ADAM10: variants seen among roughly 807,000 people sequenced by gnomAD.
The protein encoded by ADAM10 is disintegrin and metalloproteinase domain-containing protein 10.
In ADAM10, 17 loss-of-function variants were observed where a neutral mutation model predicts 90.1. The ratio of observed to expected loss-of-function variants is 0.19; its 90% confidence interval spans 0.13 to 0.28. The LOEUF is 0.28. Among genes scored for constraint, ADAM10 ranks in the 10% least tolerant of loss-of-function variants. The pLI is 1.00. For synonymous variants in ADAM10, 310 were observed against 298.6 expected, an observed-to-expected ratio of 1.04 and a Z score of -0.40; for missense variants, 610 against 914.3, an observed-to-expected ratio of 0.67 and a Z score of 4.29.
intron 1 of ADAM10, among the ~76,000 whole-genome samples, chr15:58,745,785 G>C (rs1899772168): frequency 6.6e-6 from 1 of 152,108 alleles, no homozygotes; most frequent in African/African-American, 2.4e-5. Context: ...AGGAATGATG[G>C]GGACTGCAGT....
intron 1 of ADAM10, among the ~76,000 whole-genome samples, chr15:58,734,175 T>C (rs969125136): frequency 2.0e-5 from 3 of 152,232 alleles, no homozygotes; most frequent in African/African-American, 7.2e-5. Flanking sequence ...ATCAATTTCT[T>C]GTTTAACTAA....
chr15:58,590,533 A>G lies in ADAM10; in HGVS notation c.*7014T>C, dbSNP rs1470539923. 2 of 152,228 alleles carry G rather than the reference A, an allele frequency of 1.3e-5. No homozygotes were observed. Among genetic ancestry groups the G allele is most frequent in the Non-Finnish European group, 1.5e-5 (1 of 68,048 alleles). 9.4% of individuals were successfully genotyped at this position (152,228 alleles called of 1,614,324 possible). A position where few individuals can be genotyped will look rare whatever the true frequency, so the allele number is the denominator to read the frequency against. On this transcript the variant is annotated 3_prime_UTR_variant, in exon 16 of 16. Transcript: ENST00000260408. ...AAACATGCTCTGATATGTTTCAAGGAGGAGGAAAGGAGGAGAAAGAGGAAA... is the reference window on the plus strand; with the variant it reads ...AAACATGCTCTGATATGTTTCAAGGGGGAGGAAAGGAGGAGAAAGAGGAAA...
At chr15:58,631,314 TAAC>T (rs759912878) in intron 9 of ADAM10, among the ~76,000 whole-genome samples, 3 of 152,108 alleles carry the variant, frequency 2.0e-5, no homozygotes, top group African/African-American at 7.2e-5. Flanking sequence ...ATGGCAGAAT[TAAC>T]AACATGTGCA....
chr15:58,627,128 A>G (rs1414040490), intron 10 of ADAM10, among the ~76,000 whole-genome samples: 1 of 152,196 alleles, frequency 6.6e-6, no homozygotes, highest in Non-Finnish European at 1.5e-5. Context: ...GTATAATACT[A>G]AAGATGAATC....
chr15:58,714,568 G>C (rs1898592631), intron 2 of ADAM10, among the ~76,000 whole-genome samples: 1 of 151,890 alleles, frequency 6.6e-6, no homozygotes, highest in African/African-American at 2.4e-5. Context: ...CAATGTATAA[G>C]ACAGTACAAT....
At chr15:58,699,501 G>C (rs1361695401) in intron 2 of ADAM10, among the ~76,000 whole-genome samples, 1 of 152,182 alleles carries the variant, frequency 6.6e-6, no homozygotes, top group African/African-American at 2.4e-5. Flanking sequence ...GCTCACATCT[G>C]TAATCCTAGC....
chr15:58,736,179 C>T (rs1200831144), intron 1 of ADAM10, among the ~76,000 whole-genome samples: 1 of 152,154 alleles, frequency 6.6e-6, no homozygotes, highest in Non-Finnish European at 1.5e-5. Flanking sequence ...GATGCAGTAA[C>T]CTCAAGGCTA....
intron 14 of ADAM10, among the ~76,000 whole-genome samples, chr15:58,603,191 T>A (rs74016947): frequency 0.05 from 7,620 of 152,238 alleles, 652 homozygotes; most frequent in African/African-American, 0.17. Context: ...TCCTTTATTA[T>A]ATAGGTATTC....
At chr15:58,615,107 T>C (rs772797691) in intron 11 of ADAM10, among the ~76,000 whole-genome samples, 2 of 151,786 alleles carry the variant, frequency 1.3e-5, no homozygotes, top group African/African-American at 2.4e-5. Flanking sequence ...ACCCCATCTC[T>C]ACTAAAAACA....
At chr15:58,612,130 T>C (rs1234262877) in intron 11 of ADAM10, 139 bp from the exon 12 acceptor site, 16 of 888,518 alleles carry the variant, frequency 1.8e-5, no homozygotes, top group Non-Finnish European at 2.5e-5. Context: ...ATGATAAGTA[T>C]GTTACTGGTA....
intron 5 of ADAM10, among the ~76,000 whole-genome samples, chr15:58,655,703 TATATATAGTATATA>T (rs1896798821): frequency 2.1e-5 from 1 of 47,758 alleles, no homozygotes; most frequent in South Asian, 7.0e-4. Flanking sequence ...ATAGTATATA[TATATATAGTATATA>T]TATATATATA....
chr15:58,614,430 A>G (rs1210365221), intron 11 of ADAM10, among the ~76,000 whole-genome samples: 2 of 152,220 alleles, frequency 1.3e-5, no homozygotes, highest in Non-Finnish European at 2.9e-5. Flanking sequence ...AAACAGCAAG[A>G]GGAAAGTATC....
chr15:58,695,860 T>TTA (rs1323438723), intron 2 of ADAM10, among the ~76,000 whole-genome samples: 1 of 152,018 alleles, frequency 6.6e-6, no homozygotes, highest in Non-Finnish European at 1.5e-5. Flanking sequence ...CTCACAATTG[T>TTA]TATCCCAGCA....
intron 2 of ADAM10, among the ~76,000 whole-genome samples, chr15:58,687,398 T>C (rs1248614491): frequency 2.6e-5 from 4 of 152,328 alleles, no homozygotes; most frequent in East Asian, 1.9e-4. Flanking sequence ...CCACAGAACA[T>C]TGTAAATGAT....
chr15:58,629,124 C>G (rs1896028616), intron 9 of ADAM10: 1 of 152,224 alleles, frequency 6.6e-6, no homozygotes, highest in Non-Finnish European at 1.5e-5. Context: ...TTCTGTATAA[C>G]TCTTGATGTC....
At chr15:58,648,936 CA>C (rs1221551747) in intron 5 of ADAM10, among the ~76,000 whole-genome samples, 1 of 151,768 alleles carries the variant, frequency 6.6e-6, no homozygotes, top group African/African-American at 2.4e-5. Flanking sequence ...TTTTACTTTC[CA>C]TCTTTTCTGC....
intron 8 of ADAM10, among the ~76,000 whole-genome samples, chr15:58,634,437 G>T (rs927072694): frequency 2.0e-5 from 3 of 151,918 alleles, no homozygotes; most frequent in African/African-American, 2.4e-5. Context: ...AATTTTAAAA[G>T]AAAAACCATA....
At chr15:58,729,507 C>T (rs1469205205) in intron 1 of ADAM10, among the ~76,000 whole-genome samples, 1 of 152,194 alleles carries the variant, frequency 6.6e-6, no homozygotes, top group Non-Finnish European at 1.5e-5. Flanking sequence ...CAGACTACCC[C>T]AGAGTGATCT....
intron 2 of ADAM10, among the ~76,000 whole-genome samples, chr15:58,695,338 C>A (rs1249315531): frequency 1.3e-5 from 2 of 152,190 alleles, no homozygotes; most frequent in South Asian, 2.1e-4. Context: ...AAGTATCCTG[C>A]CTCAACTTTT....
Sources: gnomAD v4.1 joint callset for allele counts (sites outside exome capture counted in the v4.1 genomes callset) on GRCh38, gnomAD v4.1.1 for gene constraint, MANE v1.5 for transcripts, NCBI Gene and HGNC (gene_info 2026-07-23, HGNC 2026-07-21) for gene names.